KIAA1958: variants seen among roughly 807,000 people sequenced by gnomAD.
KIAA1958 encodes the protein KIAA1958.
KIAA1958 carries 14 observed loss-of-function variants against 47.2 expected under a neutral mutation model. The ratio of observed to expected loss-of-function variants is 0.30; its 90% CI spans 0.20 to 0.46. KIAA1958 has a LOEUF of 0.46. Among genes scored for constraint, KIAA1958 ranks in the 20% least tolerant of loss-of-function variants. The pLI is 1.00. For synonymous variants in KIAA1958, 354 were observed against 353.3 expected (o/e 1.00, Z -0.02); for missense variants, 803 against 909.2 (o/e 0.88, Z 1.50).
chr9:112,632,908 C>CTT (rs5900008), intron 2 of KIAA1958, among the ~76,000 whole-genome samples: 1 of 143,112 alleles, frequency 7.0e-6, no homozygotes, highest in Non-Finnish European at 1.5e-5. Context: ...TGGAAACAGC[C>CTT]TTTTTTTTTT....
intron 2 of KIAA1958, among the ~76,000 whole-genome samples, chr9:112,585,538 G>A (rs1373732919): frequency 1.3e-5 from 2 of 152,184 alleles, no homozygotes; most frequent in East Asian, 3.9e-4. Flanking sequence ...GGCTCAGGGG[G>A]ACACAGTTCA....
chr9:112,603,309 C>A (rs1289998486), intron 2 of KIAA1958, among the ~76,000 whole-genome samples: 2 of 152,162 alleles, frequency 1.3e-5, no homozygotes, highest in Admixed American at 6.5e-5. Context: ...ATTGATATTA[C>A]TATAAAAACA....
At position 112,659,099 on chromosome 9, in the gene KIAA1958, A is replaced by G. The variant is rs142160204; in HGVS notation, c.1345-164A>G. Among the ~76,000 whole-genome samples the G allele has an allele frequency of 2.5e-3, 377 of 151,882 alleles. 1 individual carries two copies. Among genetic ancestry groups the G allele is most frequent in the Admixed American group, 5.8e-3 (88 of 15,284 alleles). On this transcript the variant is annotated intron_variant, in intron 3 of 3. Coordinates refer to ENST00000337530, the MANE Select transcript of KIAA1958 (RefSeq NM_133465.4). The stretch of plus-strand genomic sequence containing the variant: ...TTAAAGAGATTAGGTGGAGCCAAGT[A>G]TGGAACCTAGATCTTCCAGTTTGAA...
chr9:112,556,288 C>T (rs1052347984), intron 1 of KIAA1958, among the ~76,000 whole-genome samples: 1 of 152,162 alleles, frequency 6.6e-6, no homozygotes, highest in Admixed American at 6.5e-5. Flanking sequence ...TCTACCACGC[C>T]TCCATACCCA....
Position 112,665,798 on chromosome 9 carries a change from T to G in KIAA1958, c.*5729T>G. 6.6e-6 allele frequency: 1 copy of G among 152,172 alleles called. No individual in the cohort carries two copies. Among genetic ancestry groups the G allele is most frequent in the Admixed American group, 6.6e-5 (1 of 15,264 alleles). The allele number at this position is 152,172 out of a possible 1,614,324, so 9.4% of individuals were successfully genotyped here. A position where few individuals can be genotyped will look rare whatever the true frequency, so the allele number is the denominator to read the frequency against. Reference sequence around the variant, plus strand: ...ATCTACCTTAAAGGGCAGATGGTCATGTGAATTTATTCTAATGAAAGTTAG... The same window carrying G: ...ATCTACCTTAAAGGGCAGATGGTCAGGTGAATTTATTCTAATGAAAGTTAG... On this transcript the variant is annotated 3_prime_UTR_variant, in exon 4 of 4. Transcript: ENST00000337530.
At chr9:112,616,335 A>T (rs185977000) in intron 2 of KIAA1958, among the ~76,000 whole-genome samples, 57 of 152,344 alleles carry the variant, frequency 3.7e-4, no homozygotes, top group Admixed American at 2.8e-3. Context: ...TTATAAAGTT[A>T]TGTGGATTTT....
At chr9:112,547,448 G>C (rs1004036175) in intron 1 of KIAA1958, among the ~76,000 whole-genome samples, 3 of 151,434 alleles carry the variant, frequency 2.0e-5, no homozygotes, top group South Asian at 2.1e-4. Context: ...TCTGGGACAA[G>C]GGCATTCCAA....
chr9:112,527,804 G>GTGC (rs1185903020), intron 1 of KIAA1958, among the ~76,000 whole-genome samples: 2 of 151,902 alleles, frequency 1.3e-5, no homozygotes, highest in Non-Finnish European at 2.9e-5. Context: ...CGGCATGGTG[G>GTGC]TGCGTGCCTG....
At chr9:112,635,683 A>G (rs1201868685) in intron 2 of KIAA1958, among the ~76,000 whole-genome samples, 1 of 152,096 alleles carries the variant, frequency 6.6e-6, no homozygotes, top group African/African-American at 2.4e-5. Context: ...AGTTGTTCAT[A>G]GTATCTTTTT....
intron 1 of KIAA1958, among the ~76,000 whole-genome samples, chr9:112,541,057 GTTTC>G (rs1834932491): frequency 6.6e-6 from 1 of 151,878 alleles, no homozygotes. Flanking sequence ...TTTTGATGTG[GTTTC>G]TTTTTGATCC....
intron 1 of KIAA1958, among the ~76,000 whole-genome samples, chr9:112,537,072 C>T (rs1489888798): frequency 2.7e-5 from 4 of 149,464 alleles, no homozygotes; most frequent in Admixed American, 6.6e-5. Context: ...TTCCTCCCCT[C>T]CCCTCCCCTC....
At chr9:112,508,022 C>T (rs1373608517) in intron 1 of KIAA1958, among the ~76,000 whole-genome samples, 1 of 151,840 alleles carries the variant, frequency 6.6e-6, no homozygotes, top group East Asian at 1.9e-4. Context: ...AAATACATAT[C>T]TATATATACA....
rs148335453 is a variant in KIAA1958, at chr9:112,569,957, T to G, written c.-24-4100T>G. Among the ~76,000 whole-genome samples, 3 of 152,334 alleles carry G rather than the reference T, an allele frequency of 2.0e-5. No individual in the cohort carries two copies. The East Asian group carries it at 5.8e-4, about 29-fold the overall frequency. ...CATTTATTAAGTGTTTTACTTTTTC[T>G]TGTCATTAATACATAATTGAGTGGA... On this transcript the variant is annotated intron_variant, in intron 1 of 3. Transcript: ENST00000337530.
chr9:112,643,935 TG>T (rs1005179205), intron 2 of KIAA1958, among the ~76,000 whole-genome samples: 41 of 152,230 alleles, frequency 2.7e-4, no homozygotes, highest in African/African-American at 9.1e-4. Flanking sequence ...CCCAGCACTT[TG>T]GGAGGCGGAG....
intron 1 of KIAA1958, among the ~76,000 whole-genome samples, chr9:112,548,607 A>G (rs1257479621): frequency 6.6e-6 from 1 of 152,202 alleles, no homozygotes; most frequent in Non-Finnish European, 1.5e-5. Flanking sequence ...ATTTTGAGCT[A>G]CTAGATTGTA....
In KIAA1958 at chr9:112,648,202, A is replaced by G. The variant is rs932590871; in HGVS notation, c.1344+2380A>G. Among the ~76,000 whole-genome samples the G allele has an allele frequency of 5.9e-5, 9 of 152,250 alleles. No homozygotes were observed. The East Asian group carries it at 1.7e-3, about 29-fold the overall frequency. On this transcript the variant is annotated intron_variant, in intron 3 of 3. Transcript: ENST00000337530. ...CAGTGACCTCCAAGAGACAGCAAAC[A>G]AGGTAATACCTGTGACTGCTCCAGC...
At chr9:112,630,971 G>A (rs938805216) in intron 2 of KIAA1958, among the ~76,000 whole-genome samples, 1 of 152,198 alleles carries the variant, frequency 6.6e-6, no homozygotes, top group African/African-American at 2.4e-5. Context: ...CACTTAAAAT[G>A]TGACAAATTT....
intron 2 of KIAA1958, among the ~76,000 whole-genome samples, chr9:112,642,116 G>T (rs916521294): frequency 2.6e-5 from 4 of 152,178 alleles, no homozygotes; most frequent in Admixed American, 2.6e-4. Context: ...AATGGTAATT[G>T]ATAGGGATTT....
At chr9:112,651,724 G>A (rs1015640082) in intron 3 of KIAA1958, among the ~76,000 whole-genome samples, 5 of 152,004 alleles carry the variant, frequency 3.3e-5, no homozygotes, top group African/African-American at 1.2e-4. Flanking sequence ...ATTACAGATA[G>A]CTAACTAGAA....
Sources: gnomAD v4.1 joint callset for allele counts (sites outside exome capture counted in the v4.1 genomes callset) on GRCh38, gnomAD v4.1.1 for gene constraint, MANE v1.5 for transcripts, NCBI Gene and HGNC (gene_info 2026-07-23, HGNC 2026-07-21) for gene names.